The following MYO1E variants were observed in gnomAD, a reference collection of about 807,000 sequenced individuals.
MYO1E encodes myosin IE, also known as unconventional myosin-Ie.
Under a neutral mutation model 151.1 loss-of-function variants are expected in MYO1E, and 68 were observed. The ratio of observed to expected loss-of-function variants is 0.45; its 90% CI spans 0.37 to 0.55. MYO1E has a LOEUF of 0.55. Ranked by LOEUF, MYO1E falls within the 20% of genes least tolerant of loss-of-function variation. MYO1E has a pLI of 0.00. For missense variants in MYO1E, 1,363 were observed against 1,389.3 expected, an observed-to-expected ratio of 0.98 and a Z score of 0.30; for synonymous variants, 601 against 501.7, an observed-to-expected ratio of 1.20 and a Z score of -2.64.
chr15:59,149,346 G>A (rs150982825), intron 26 of MYO1E, among the ~76,000 whole-genome samples: 2 of 152,070 alleles, frequency 1.3e-5, no homozygotes, highest in Non-Finnish European at 2.9e-5. Flanking sequence ...GTGAGCCACC[G>A]CGCCCGGCCT....
intron 1 of MYO1E, chr15:59,348,779 G>A (rs925746769): frequency 1.3e-5 from 2 of 152,144 alleles, no homozygotes; most frequent in African/African-American, 2.4e-5. Flanking sequence ...TTACAGGCAT[G>A]CGCCACCATG....
rs114623262 is a variant in MYO1E at position 59,229,300 on chromosome 15, C to T, written c.511-1710G>A. On this transcript the variant is annotated intron_variant, in intron 6 of 27. Transcript: ENST00000288235. ...TCCAACATGCTGTCAGCCCAGGCCA[C>T]GCACATCAGACTCTAGGACCAGGGC... Among the ~76,000 whole-genome samples, 414 of 152,288 alleles carry T rather than the reference C, an allele frequency of 2.7e-3. 4 individuals are homozygous for T. Among genetic ancestry groups the T allele is most frequent in the African/African-American group, 9.6e-3 (400 of 41,554 alleles).
chr15:59,214,570 G>C lies in MYO1E; in HGVS notation c.1188+70C>G, dbSNP rs185939608. The C allele has an allele frequency of 2.2e-5, 29 of 1,341,378 alleles. No individual in the cohort carries two copies. The Admixed American group carries it at 3.9e-4, about 18-fold the overall frequency. 83.1% of individuals were successfully genotyped at this position (1,341,378 alleles called of 1,614,324 possible). A position where few individuals can be genotyped will look rare whatever the true frequency, so the allele number is the denominator to read the frequency against. ...TGTTTTTTTGTTTTTGCATTGCCTA[G>C]AATTATTTCTTGCAGGCCAGATGAA... On this transcript the variant is annotated intron_variant, in intron 11 of 27. Transcript: ENST00000288235.
Position 59,371,435 on chromosome 15 carries a change from AT to A in MYO1E, c.3+1062del, listed in dbSNP as rs66673127. On this transcript the variant is annotated intron_variant, in intron 1 of 27. Transcript: ENST00000288235. Reference sequence around the variant, plus strand: ...TGGAAACTATGAAGCCTTGTAATAGATTTTTTTTTTTTTGATGAACTGCCGA... The same window carrying A: ...TGGAAACTATGAAGCCTTGTAATAGATTTTTTTTTTTTGATGAACTGCCGA... Among the ~76,000 whole-genome samples, 188 of 148,296 alleles carry A rather than the reference AT, an allele frequency of 1.3e-3. 1 individual carries two copies. The highest frequency in any genetic ancestry group is 2.9e-3 in the Admixed American group (43 of 14,932).
In MYO1E at chr15:59,236,806, T is replaced by C. The variant is rs1232866738; in HGVS notation, c.333-134A>G. ...ACAGGCAGAAAAGAATTTTTTTTTTTAAGTACAATACCAGTAGAGAAAGGC... is the reference window on the plus strand; with the variant it reads ...ACAGGCAGAAAAGAATTTTTTTTTTCAAGTACAATACCAGTAGAGAAAGGC... On this transcript the variant is annotated intron_variant, in intron 4 of 27. Transcript: ENST00000288235. The C allele has an allele frequency of 4.1e-6, 3 of 723,642 alleles. No individual in the cohort carries two copies. In the African/African-American group the frequency reaches 5.3e-5, roughly 13 times the overall value. 44.8% of individuals were successfully genotyped at this position (723,642 alleles called of 1,614,324 possible). A position where few individuals can be genotyped will look rare whatever the true frequency, so the allele number is the denominator to read the frequency against.
At chr15:59,312,387 A>G (rs2080557917) in intron 1 of MYO1E, among the ~76,000 whole-genome samples, 1 of 152,230 alleles carries the variant, frequency 6.6e-6, no homozygotes, top group Non-Finnish European at 1.5e-5. Flanking sequence ...GCCTGGAGGA[A>G]GCAGAGGACT....
intron 23 of MYO1E, 77 bp downstream of exon 23, chr15:59,163,080 C>T: frequency 1.9e-6 from 3 of 1,540,430 alleles, no homozygotes; most frequent in Non-Finnish European, 2.7e-6. Context: ...CCTCCAGCCC[C>T]ATCCTGAATC....
intron 1 of MYO1E, among the ~76,000 whole-genome samples, chr15:59,357,428 T>C (rs1596442170): frequency 6.9e-6 from 1 of 145,512 alleles, no homozygotes; most frequent in African/African-American, 2.5e-5. Flanking sequence ...GGAGATAACT[T>C]TTTTTTTTTT....
chr15:59,222,671 T>C (rs1460828381), intron 9 of MYO1E, among the ~76,000 whole-genome samples: 1 of 152,162 alleles, frequency 6.6e-6, no homozygotes, highest in Non-Finnish European at 1.5e-5. Context: ...TGAATTTAGA[T>C]CCTAAAGACC....
intron 7 of MYO1E, among the ~76,000 whole-genome samples, chr15:59,226,131 A>G (rs2079989823): frequency 6.6e-6 from 1 of 152,226 alleles, no homozygotes; most frequent in Non-Finnish European, 1.5e-5. Context: ...TGTGAAATAT[A>G]TAATTATTTT....
intron 19 of MYO1E, among the ~76,000 whole-genome samples, chr15:59,175,801 G>A (rs1313550091): frequency 5.3e-5 from 8 of 152,152 alleles, no homozygotes; most frequent in African/African-American, 1.4e-4. Context: ...ACAGGCAAAC[G>A]ATTCCCAACT....
chr15:59,202,474 C>T lies in MYO1E; in HGVS notation c.1617-67G>A, dbSNP rs2306787. On this transcript the variant is annotated intron_variant, in intron 15 of 27. Transcript: ENST00000288235. ...CCTCTGGGGCTGAAAGCCTGCCTTT[C>T]TAGAGGATGGGGTGAAGGGCCGTCC... 0.41 allele frequency: 614,164 copies of T among 1,480,944 alleles called. 133,733 individuals carry two copies. The highest frequency in any genetic ancestry group is 0.69 in the East Asian group (30,533 of 44,098). The allele number at this position is 1,480,944 out of a possible 1,614,324, so 91.7% of individuals were successfully genotyped here.
At chr15:59,142,801 A>G (rs1355058020) in intron 26 of MYO1E, among the ~76,000 whole-genome samples, 1 of 151,758 alleles carries the variant, frequency 6.6e-6, no homozygotes, top group African/African-American at 2.4e-5. Context: ...AGCTTACATC[A>G]TATTTACTGG....
intron 17 of MYO1E, among the ~76,000 whole-genome samples, chr15:59,192,605 C>A (rs1216492849): frequency 6.6e-6 from 1 of 152,096 alleles, no homozygotes; most frequent in African/African-American, 2.4e-5. Flanking sequence ...AGTCTTTTTC[C>A]AAGACTGTCA....
chr15:59,207,274 A>T (rs1290233601), intron 14 of MYO1E: 1 of 1,614,214 alleles, frequency 6.2e-7, no homozygotes, highest in South Asian at 1.1e-5. Flanking sequence ...GGGTGAGACG[A>T]TGGATCTTCA....
chr15:59,243,982 GTCCTCCA>G lies in MYO1E; in HGVS notation c.333-7317_333-7311del, dbSNP rs532976401. Among the ~76,000 whole-genome samples the G allele has an allele frequency of 2.1e-4, 32 of 151,604 alleles. No homozygotes were observed. The East Asian group carries it at 2.7e-3, about 13-fold the overall frequency. On this transcript the variant is annotated intron_variant, in intron 4 of 27. Coordinates refer to ENST00000288235, the MANE Select transcript of MYO1E (RefSeq NM_004998.4). ...AGGTTCCAGGGTCATGGAGAGAGGG[GTCCTCCA>G]TCGGACTTTAGAATTACACTAAAAA...
chr15:59,233,187 C>T (rs1345175277), intron 5 of MYO1E, among the ~76,000 whole-genome samples: 4 of 152,064 alleles, frequency 2.6e-5, no homozygotes, highest in Non-Finnish European at 4.4e-5. Context: ...AGAACAAAAG[C>T]CAGAATCTTC....
Position 59,167,023 on chromosome 15 carries a change from C to T in MYO1E, c.2481-3720G>A, listed in dbSNP as rs150009686. 5.8e-4 allele frequency among the ~76,000 whole-genome samples: 88 copies of T among 152,278 alleles called. 1 individual carries two copies. Among genetic ancestry groups the T allele is most frequent in the African/African-American group, 2.0e-3 (84 of 41,546 alleles). On this transcript the variant is annotated intron_variant, in intron 22 of 27. Transcript: ENST00000288235. ...CAGGGCTCAGCACCAGGTAGGTGCT[C>T]AATCCCATGATGTTGACAACTTCCA...
chr15:59,335,369 CAG>C (rs2080722021), intron 1 of MYO1E, among the ~76,000 whole-genome samples: 1 of 152,120 alleles, frequency 6.6e-6, no homozygotes, highest in East Asian at 1.9e-4. Context: ...CAGGCTGCTA[CAG>C]TATGAGATGT....
Sources: gnomAD v4.1 joint callset for allele counts (sites outside exome capture counted in the v4.1 genomes callset) on GRCh38, gnomAD v4.1.1 for gene constraint, MANE v1.5 for transcripts, NCBI Gene and HGNC (gene_info 2026-07-23, HGNC 2026-07-21) for gene names.